Variants in RAI14 observed in about 807,000 individuals in gnomAD.
RAI14 encodes the protein ankycorbin.
RAI14 carries 45 observed loss-of-function variants against 115.4 expected under a neutral mutation model. The ratio of observed to expected loss-of-function variants is 0.39; its 90% CI spans 0.31 to 0.50. The LOEUF (loss-of-function observed/expected upper bound fraction) is 0.50, where lower values mean the gene tolerates loss of function less well. Among genes scored for constraint, RAI14 ranks in the 20% least tolerant of loss-of-function variants. The probability of loss-of-function intolerance (pLI) is 0.85; values close to 1 mark genes in which losing one functional copy is unlikely to be tolerated. For missense variants in RAI14, 939 were observed against 1,131.2 expected (o/e 0.83, Z 2.44); for synonymous variants, 371 against 415.4 (o/e 0.89, Z 1.30).
chr5:34,776,803 T>TCAAAAAAAAAAACCAACAA (rs1279080501), intron 3 of RAI14, among the ~76,000 whole-genome samples: 1 of 144,874 alleles, frequency 6.9e-6, no homozygotes, highest in Non-Finnish European at 1.5e-5. Flanking sequence ...TGAGACCCTT[T>TCAAAAAAAAAAACCAACAA]ATTAAAAAAA....
At chr5:34,776,119 A>G (rs1330971151) in intron 3 of RAI14, among the ~76,000 whole-genome samples, 1 of 152,208 alleles carries the variant, frequency 6.6e-6, no homozygotes, top group Admixed American at 6.5e-5. Flanking sequence ...GTCATTTGCA[A>G]CAACGTGGTT....
chr5:34,784,563 T>G (rs1304713375), intron 3 of RAI14, among the ~76,000 whole-genome samples: 1 of 152,244 alleles, frequency 6.6e-6, no homozygotes, highest in Non-Finnish European at 1.5e-5. Flanking sequence ...GTTCTCCCAT[T>G]TCCTATCATA....
At chr5:34,816,557 T>C (rs6451169) in intron 12 of RAI14, among the ~76,000 whole-genome samples, 90,013 of 152,016 alleles carry the variant, frequency 0.59, 26,934 homozygotes, top group Admixed American at 0.65. Context: ...ATCTGTTTAA[T>C]ATACTGAGAA....
At chr5:34,681,108 G>A (rs867226207) in intron 1 of RAI14, among the ~76,000 whole-genome samples, 1 of 152,192 alleles carries the variant, frequency 6.6e-6, no homozygotes, top group Non-Finnish European at 1.5e-5. Context: ...GAGTTTGGAT[G>A]GCGTGAGGTA....
intron 12 of RAI14, among the ~76,000 whole-genome samples, chr5:34,814,932 A>G (rs1276994352): frequency 6.6e-6 from 1 of 151,928 alleles, no homozygotes; most frequent in Non-Finnish European, 1.5e-5. Context: ...CCAATAATTG[A>G]TTTTCTTCAT....
intron 2 of RAI14, among the ~76,000 whole-genome samples, chr5:34,739,644 T>C (rs985007417): frequency 6.6e-6 from 1 of 152,194 alleles, no homozygotes; most frequent in African/African-American, 2.4e-5. Context: ...CAATATTATC[T>C]GTTAAGCCCA....
chr5:34,781,786 AG>A (rs1374404544), intron 3 of RAI14, among the ~76,000 whole-genome samples: 6 of 152,216 alleles, frequency 3.9e-5, no homozygotes, highest in African/African-American at 1.4e-4. Context: ...TGCTGAGACC[AG>A]CTTGATCATG....
At chr5:34,663,745 G>C (rs1742882457) in intron 1 of RAI14, among the ~76,000 whole-genome samples, 1 of 152,198 alleles carries the variant, frequency 6.6e-6, no homozygotes, top group African/African-American at 2.4e-5. Flanking sequence ...ATATAGAGTT[G>C]TCCTAGTCTA....
intron 3 of RAI14, among the ~76,000 whole-genome samples, chr5:34,781,567 A>G (rs1270297659): frequency 6.6e-6 from 1 of 152,176 alleles, no homozygotes; most frequent in Admixed American, 6.6e-5. Context: ...TCAAATTCTC[A>G]TCTCTTAAAT....
chr5:34,761,652 C>T (rs1748666159), intron 3 of RAI14, among the ~76,000 whole-genome samples: 1 of 152,196 alleles, frequency 6.6e-6, no homozygotes, highest in Non-Finnish European at 1.5e-5. Flanking sequence ...CCCGCCCTCC[C>T]CACAGGTCAG....
chr5:34,770,856 AT>A (rs1401073318), intron 3 of RAI14, among the ~76,000 whole-genome samples: 2 of 152,212 alleles, frequency 1.3e-5, no homozygotes, highest in Non-Finnish European at 2.9e-5. Context: ...GTTTTTTAAA[AT>A]ATTATTTAAT....
chr5:34,747,108 G>A (rs1196359840), intron 2 of RAI14, among the ~76,000 whole-genome samples: 1 of 152,182 alleles, frequency 6.6e-6, no homozygotes, highest in Non-Finnish European at 1.5e-5. Flanking sequence ...TTTATCAGCA[G>A]CGTGAAAACC....
intron 2 of RAI14, among the ~76,000 whole-genome samples, chr5:34,693,429 C>A (rs935409484): frequency 1.3e-5 from 2 of 152,168 alleles, no homozygotes; most frequent in Admixed American, 1.3e-4. Flanking sequence ...ATATTAATAG[C>A]AAGAGTGAAC....
intron 2 of RAI14, among the ~76,000 whole-genome samples, chr5:34,719,115 G>A (rs775511294): frequency 2.6e-5 from 4 of 151,376 alleles, no homozygotes; most frequent in Admixed American, 2.0e-4. Context: ...TCTCTGATCC[G>A]TGTTGTGGAA....
intron 2 of RAI14, among the ~76,000 whole-genome samples, chr5:34,755,426 G>A (rs997734546): frequency 5.3e-5 from 8 of 152,280 alleles, no homozygotes; most frequent in South Asian, 2.1e-4. Context: ...TCTGGCTAAC[G>A]TCACGTGAAG....
At chr5:34,814,802 A>C in intron 12 of RAI14, 133 bp downstream of exon 12, 1 of 684,924 alleles carries the variant, frequency 1.5e-6, no homozygotes, top group Non-Finnish European at 2.5e-6. Flanking sequence ...ACCATGAAGT[A>C]CCCCTTGATT....
At chr5:34,705,379 T>C (rs891361118) in intron 2 of RAI14, among the ~76,000 whole-genome samples, 1 of 152,160 alleles carries the variant, frequency 6.6e-6, no homozygotes, top group African/African-American at 2.4e-5. Context: ...TTGCCTATAT[T>C]GTTATTTTAA....
At chr5:34,757,188 G>C in intron 2 of RAI14, 1 of 473,252 alleles carries the variant, frequency 2.1e-6, no homozygotes, top group Non-Finnish European at 4.2e-6. Flanking sequence ...GTCTTTTTAC[G>C]TTGCTTCATA....
intron 2 of RAI14, among the ~76,000 whole-genome samples, chr5:34,695,917 A>G (rs1051760544): frequency 1.8e-4 from 27 of 151,474 alleles, no homozygotes; most frequent in African/African-American, 6.5e-4. Flanking sequence ...TCTTGGGCTC[A>G]AGCAATCCTC....
Sources: gnomAD v4.1 joint callset for allele counts (sites outside exome capture counted in the v4.1 genomes callset) on GRCh38, gnomAD v4.1.1 for gene constraint, MANE v1.5 for transcripts, NCBI Gene and HGNC (gene_info 2026-07-23, HGNC 2026-07-21) for gene names.